Variants in ANPEP observed in about 807,000 individuals in gnomAD.
The protein encoded by ANPEP is aminopeptidase N.
In ANPEP, 70 loss-of-function variants were observed where a neutral mutation model predicts 114.6. That is an observed-to-expected ratio of 0.61 (90% confidence interval 0.50 to 0.75). ANPEP has a LOEUF of 0.75. Among genes scored for constraint, ANPEP ranks in the 30% least tolerant of loss-of-function variants. The probability of loss-of-function intolerance (pLI) is 0.00; values close to 1 mark genes in which losing one functional copy is unlikely to be tolerated. For synonymous variants in ANPEP, 548 were observed against 522.3 expected, an observed-to-expected ratio of 1.05 and a Z score of -0.67; for missense variants, 1,184 against 1,259.5, an observed-to-expected ratio of 0.94 and a Z score of 0.91.
chr15:89,805,617 C>T (rs1215988620), intron 2 of ANPEP, among the ~76,000 whole-genome samples, 154 bp from the exon 3 acceptor site: 4 of 152,210 alleles, frequency 2.6e-5, no homozygotes, highest in African/African-American at 4.8e-5. Context: ...CGGGAGCCTC[C>T]GGAGCCCTGC....
At position 89,803,750 on chromosome 15, in the gene ANPEP, G is replaced by A. The variant is rs759915782; in HGVS notation, c.1334C>T (p.Ala445Val). 7 of 1,610,942 alleles carry A rather than the reference G, an allele frequency of 4.3e-6. No homozygotes were observed. In the Admixed American group the frequency reaches 1.2e-4, roughly 27 times the overall value. ...GTGGGAGGAGGCCAGTGCATCCACTGCCATCACGCGGTACACATCATTCAG... is the reference window on the plus strand; with the variant it reads ...GTGGGAGGAGGCCAGTGCATCCACTACCATCACGCGGTACACATCATTCAG... ...MVLNDVYRVMAVDALASSHPL... is the reference protein window; with the variant it reads ...MVLNDVYRVMVVDALASSHPL... The change falls in exon 8 of 21, where the codon GCA becomes GTA. Residue 445 changes from alanine (A) to valine (V), a missense_variant. By Grantham distance (64) the Ala-to-Val change is moderately conservative. Coordinates refer to ENST00000300060, the MANE Select transcript of ANPEP (RefSeq NM_001150.3). This position sits in a 1 kb window ranked among gnomAD's most constrained non-coding sequence, Gnocchi z 4.2.
intron 12 of ANPEP, among the ~76,000 whole-genome samples, chr15:89,800,524 C>T (rs1478247172): frequency 2.0e-5 from 3 of 151,138 alleles, no homozygotes; most frequent in African/African-American, 7.3e-5. Flanking sequence ...ATGTGCCAGG[C>T]ACTACTTTAA....
chr15:89,791,597 C>CT (rs367563839), intron 18 of ANPEP, among the ~76,000 whole-genome samples: 3,868 of 121,056 alleles, frequency 0.032, 131 homozygotes, highest in African/African-American at 0.08. Flanking sequence ...GCCACCATGC[C>CT]TATTTTTTTT....
rs1206957438 is a variant in ANPEP at position 89,799,111 on chromosome 15, C to G, written c.2009+149G>C. The G allele has an allele frequency of 3.6e-6, 3 of 828,128 alleles. No homozygotes were observed. The highest frequency in any genetic ancestry group is 3.4e-5 in the African/African-American group (2 of 59,280). 51.3% of individuals were successfully genotyped at this position (828,128 alleles called of 1,614,324 possible). On this transcript the variant is annotated intron_variant, in intron 14 of 20. Coordinates refer to ENST00000300060, the MANE Select transcript of ANPEP (RefSeq NM_001150.3). This position sits in a 1 kb window ranked among gnomAD's most constrained non-coding sequence, Gnocchi z 4.2. The stretch of plus-strand genomic sequence containing the variant: ...TCTGTGAAATGGGTGTGTGGGGACC[C>G]AGGGAGGGACGTCCAGGGAGCACAG...
chr15:89,795,433 C>G (rs1968709860), intron 15 of ANPEP, among the ~76,000 whole-genome samples: 1 of 152,082 alleles, frequency 6.6e-6, no homozygotes, highest in African/African-American at 2.4e-5. Flanking sequence ...TCTTCCAATA[C>G]TAGATGATGT....
chr15:89,785,246 C>G lies in ANPEP; in HGVS notation c.*103G>C, dbSNP rs945596937. On this transcript the variant is annotated 3_prime_UTR_variant, in exon 21 of 21. Transcript: ENST00000300060. Reference sequence around the variant, plus strand: ...GGAGACTTTGTCCTTGAGGGGAGGACACTGGTGCCTCGGGCTCCAGGAATG... The same window carrying G: ...GGAGACTTTGTCCTTGAGGGGAGGAGACTGGTGCCTCGGGCTCCAGGAATG... 2.1e-6 allele frequency: 3 copies of G among 1,448,156 alleles called. No individual in the cohort carries two copies. The highest frequency in any genetic ancestry group is 1.9e-6 in the Non-Finnish European group (2 of 1,049,138). The allele number at this position is 1,448,156 out of a possible 1,614,324, so 89.7% of individuals were successfully genotyped here.
rs1020966631 is a variant in ANPEP at position 89,785,025 on chromosome 15, G to A, written c.*324C>T. The stretch of plus-strand genomic sequence containing the variant: ...GTACAGGGCGGCCCCCAGCAAGGCC[G>A]TTCATTGTCCATCGAGAGCTTCTGC... On this transcript the variant is annotated 3_prime_UTR_variant, in exon 21 of 21. Transcript: ENST00000300060. The A allele has an allele frequency of 1.6e-5, 5 of 307,506 alleles. No homozygotes were observed. The highest frequency in any genetic ancestry group is 6.3e-5 in the African/African-American group (3 of 47,534). 19.0% of individuals were successfully genotyped at this position (307,506 alleles called of 1,614,324 possible). A position where few individuals can be genotyped will look rare whatever the true frequency, so the allele number is the denominator to read the frequency against.
Position 89,803,854 on chromosome 15 carries a change from G to A in ANPEP, c.1293+35C>T, listed in dbSNP as rs1567160512. 6.8e-6 allele frequency: 11 copies of A among 1,613,674 alleles called. No individual in the cohort carries two copies. Among genetic ancestry groups the A allele is most frequent in the Admixed American group, 1.7e-5 (1 of 60,000 alleles). On this transcript the variant is annotated intron_variant, in intron 7 of 20. Transcript: ENST00000300060. This position sits in a 1 kb window ranked among gnomAD's most constrained non-coding sequence, Gnocchi z 4.2. ...AGCGGTGGCCCAGGTCTCCCTCCAT[G>A]CCCCCCGCACCAGACCCCTGGGCAG... is the stretch of plus-strand genomic sequence containing the variant.
intron 4 of ANPEP, 55 bp downstream of exon 4, chr15:89,805,023 G>T: frequency 6.2e-7 from 1 of 1,609,914 alleles, no homozygotes; most frequent in Non-Finnish European, 8.5e-7. Context: ...AGAACGGGAA[G>T]ACCCCTCAAG....
chr15:89,785,465 A>G lies in ANPEP; in HGVS notation c.2788T>C (p.Phe930Leu). ...QFKKDNEETG[F>L]GSGTRALEQA... ...TCCAGGGCCCGGGTGCCTGAGCCGAAGCCTGTTTCCTCGTTGTCCTTCTTG... is the reference window on the plus strand; with the variant it reads ...TCCAGGGCCCGGGTGCCTGAGCCGAGGCCTGTTTCCTCGTTGTCCTTCTTG... Residue 930 changes from phenylalanine to leucine, a missense_variant, in exon 21 of 21, where the codon TTC becomes CTC. Phe to Leu is a conservative substitution (Grantham distance 22, BLOSUM62 0). Transcript: ENST00000300060. 1 of 1,614,100 alleles carries G rather than the reference A, an allele frequency of 6.2e-7. No individual in the cohort carries two copies. The highest frequency in any genetic ancestry group is 8.5e-7 in the Non-Finnish European group (1 of 1,179,942).
At position 89,803,320 on chromosome 15, in the gene ANPEP, G is replaced by A. The variant is rs773008647; in HGVS notation, c.1504-16C>T. The stretch of plus-strand genomic sequence containing the variant: ...GGAGGTAGGACTGTGGAAAGACGGG[G>A]CACAGTGAGAGCACAGCTGGAGCCC... On this transcript the variant is annotated splice_polypyrimidine_tract_variant and intron_variant, in intron 9 of 20. Coordinates refer to ENST00000300060, the MANE Select transcript of ANPEP (RefSeq NM_001150.3). This position sits in a 1 kb window ranked among gnomAD's most constrained non-coding sequence, Gnocchi z 4.2. 5 of 1,613,980 alleles carry A rather than the reference G, an allele frequency of 3.1e-6. No homozygotes were observed. The South Asian group carries it at 5.5e-5, about 18-fold the overall frequency.
In ANPEP at chr15:89,785,259, G is replaced by A; in HGVS notation, c.*90C>T. The A allele has an allele frequency of 6.5e-7, 1 of 1,527,546 alleles. No homozygotes were observed. Among genetic ancestry groups the A allele is most frequent in the Non-Finnish European group, 9.0e-7 (1 of 1,114,986 alleles). 94.6% of individuals were successfully genotyped at this position (1,527,546 alleles called of 1,614,324 possible). Reference sequence around the variant, plus strand: ...TTGAGGGGAGGACACTGGTGCCTCGGGCTCCAGGAATGGAGGCCCTGCACC... The same window carrying A: ...TTGAGGGGAGGACACTGGTGCCTCGAGCTCCAGGAATGGAGGCCCTGCACC... On this transcript the variant is annotated 3_prime_UTR_variant, in exon 21 of 21. Transcript: ENST00000300060.
At chr15:89,792,828 G>A (rs1435151422) in intron 16 of ANPEP, among the ~76,000 whole-genome samples, 1 of 152,330 alleles carries the variant, frequency 6.6e-6, no homozygotes, top group East Asian at 1.9e-4. Context: ...GTGAGCTAGA[G>A]TTTCAGTTTG....
chr15:89,801,121 T>C lies in ANPEP; in HGVS notation c.1809A>G (p.Ile603Met), dbSNP rs8192297. 0.15 allele frequency: 242,359 copies of C among 1,613,368 alleles called. 22,886 individuals carry two copies. Among genetic ancestry groups the C allele is most frequent in the Admixed American group, 0.44 (26,619 of 59,998 alleles). Residue 603 changes from isoleucine (I) to methionine (M), a missense_variant, in exon 12 of 21, where the codon ATA becomes ATG. Ile to Met is a conservative substitution (Grantham distance 10). Transcript: ENST00000300060. ...DGRQQQDYWL[I>M]DVRAQNDLFS... Reference sequence around the variant, plus strand: ...GCAGGGCTGGATTACCTCTTACATCTATCAGCCAGTAGTCCTGCTGCTGTC... The same window carrying C: ...GCAGGGCTGGATTACCTCTTACATCCATCAGCCAGTAGTCCTGCTGCTGTC...
At position 89,797,659 on chromosome 15, in the gene ANPEP, C is replaced by G; in HGVS notation, c.2073G>C (p.Gln691His). 6.2e-7 allele frequency: 1 copy of G among 1,614,142 alleles called. No homozygotes were observed. Among genetic ancestry groups the G allele is most frequent in the Non-Finnish European group, 8.5e-7 (1 of 1,180,014 alleles). Residue 691 changes from glutamine (Q) to histidine (H), a missense_variant, in exon 15 of 21, where the codon CAG (glutamine) becomes CAC (histidine). Physicochemically the swap from Gln to His is conservative, Grantham distance 24. Transcript: ENST00000300060. ...TCAGGGCGGCCTCCCAGGGCATGTA[C>G]TGTCTCTCTTCAATCAGGAAGAGGG... is the stretch of plus-strand genomic sequence containing the variant. ...NNTLFLIEERQYMPWEAALSS... is the reference protein window; with the variant it reads ...NNTLFLIEERHYMPWEAALSS...
chr15:89,792,060 G>A, intron 18 of ANPEP, 100 bp downstream of exon 18: 1 of 1,399,380 alleles, frequency 7.1e-7, no homozygotes, highest in Non-Finnish European at 9.7e-7. Flanking sequence ...CAACAGGTCT[G>A]TGGGGGTCAC....
Position 89,797,683 on chromosome 15 carries a change from G to A in ANPEP, c.2049C>T (p.Thr683=), listed in dbSNP as rs760844547. Residue 683 remains threonine, a synonymous_variant, in exon 15 of 21, where the codon ACC becomes ACT. Coordinates refer to ENST00000300060, the MANE Select transcript of ANPEP (RefSeq NM_001150.3). ...KVPVTLALNN[T]LFLIEERQYM... ...ACTGTCTCTCTTCAATCAGGAAGAG[G>A]GTGTTGTTCAGCGCCAGAGTGACAG... 34 of 1,614,040 alleles carry A rather than the reference G, an allele frequency of 2.1e-5. No homozygotes were observed. Among genetic ancestry groups the A allele is most frequent in the Middle Eastern group, 1.6e-4 (1 of 6,084 alleles).
chr15:89,787,085 A>T (rs2141784153), intron 20 of ANPEP, among the ~76,000 whole-genome samples: 1 of 126,222 alleles, frequency 7.9e-6, no homozygotes, highest in East Asian at 2.3e-4. Context: ...TTGCTCTGTC[A>T]TCCAGGCTAG....
intron 18 of ANPEP, 76 bp downstream of exon 18, chr15:89,792,084 C>A: frequency 6.6e-7 from 1 of 1,525,052 alleles, no homozygotes; most frequent in Non-Finnish European, 8.9e-7. Flanking sequence ...AAGGATCTGG[C>A]GAGGAGTGTG....
Sources: gnomAD v4.1 joint callset for allele counts (sites outside exome capture counted in the v4.1 genomes callset) on GRCh38, gnomAD v4.1.1 for gene constraint, Gnocchi (gnomAD v3.1) non-coding constraint, MANE v1.5 for transcripts, NCBI Gene and HGNC (gene_info 2026-07-23, HGNC 2026-07-21) for gene names.